The following SDK1 variants were observed in gnomAD, a reference collection of about 807,000 sequenced individuals.
SDK1 encodes the protein protein sidekick-1.
A neutral mutation model predicts 245.5 loss-of-function variants in SDK1; 157 were observed. The observed-to-expected ratio is 0.64, with a 90% CI of 0.56 to 0.73. SDK1 has a LOEUF of 0.73. Ranked by LOEUF, SDK1 falls within the 30% of genes least tolerant of loss-of-function variation. The probability of loss-of-function intolerance (pLI) is 0.00; values close to 1 mark genes in which losing one functional copy is unlikely to be tolerated. For missense variants in SDK1, 3,583 were observed against 3,002.3 expected, an observed-to-expected ratio of 1.19 and a Z score of -4.52; for synonymous variants, 1,647 against 1,278.5, an observed-to-expected ratio of 1.29 and a Z score of -6.15.
chr7:3,662,041 ATTTTTTTTT>A (rs572659449), intron 4 of SDK1, among the ~76,000 whole-genome samples: 9 of 125,736 alleles, frequency 7.2e-5, no homozygotes, highest in African/African-American at 9.5e-5. Context: ...CAACGGTTGT[ATTTTTTTTT>A]TTTTTTTTTT....
intron 8 of SDK1, 46 bp from the exon 9 acceptor site, chr7:3,962,611 G>C (rs141647689): frequency 6.8e-7 from 1 of 1,467,176 alleles, no homozygotes; most frequent in Admixed American, 2.0e-5. Flanking sequence ...CAGTTCTCAC[G>C]TCAGGAATTA....
intron 1 of SDK1, among the ~76,000 whole-genome samples, chr7:3,452,848 A>G (rs776261840): frequency 4.8e-4 from 73 of 151,826 alleles, no homozygotes; most frequent in Non-Finnish European, 3.4e-4. Flanking sequence ...TGCCTAGGTC[A>G]TCTCTTTCTT....
chr7:3,560,896 C>T (rs182934877), intron 1 of SDK1, among the ~76,000 whole-genome samples: 99 of 152,330 alleles, frequency 6.5e-4, no homozygotes, highest in Admixed American at 1.3e-3. Flanking sequence ...GTTTCCTACA[C>T]TTCCTTTGAG....
chr7:3,366,751 TA>T (rs1397495602), intron 1 of SDK1, among the ~76,000 whole-genome samples: 28 of 152,148 alleles, frequency 1.8e-4, no homozygotes, highest in African/African-American at 5.8e-4. Context: ...TTTATTTATT[TA>T]TTTATTTTGA....
chr7:3,687,255 A>G lies in SDK1; in HGVS notation c.713+45150A>G, dbSNP rs150576821. Among the ~76,000 whole-genome samples, 1,027 of 151,744 alleles carry G rather than the reference A, an allele frequency of 6.8e-3. 15 individuals are homozygous for G. The highest frequency in any genetic ancestry group is 0.024 in the African/African-American group (976 of 41,242). ...GGTGCGATCTCAGCTCAGCCTCCCA[A>G]GGAGCTGGGACTACAGGCACACGTC... On this transcript the variant is annotated intron_variant, in intron 4 of 44. Transcript: ENST00000404826.
At chr7:3,832,379 G>A (rs1045183349) in intron 5 of SDK1, among the ~76,000 whole-genome samples, 1 of 152,196 alleles carries the variant, frequency 6.6e-6, no homozygotes. Context: ...TTTGGTAGCA[G>A]TTCAACTCCA....
intron 1 of SDK1, among the ~76,000 whole-genome samples, chr7:3,542,144 G>A (rs1420392002): frequency 2.0e-5 from 3 of 152,136 alleles, no homozygotes; most frequent in Non-Finnish European, 2.9e-5. Flanking sequence ...AACCCAAACT[G>A]TAGAATTTTA....
chr7:3,435,705 C>A (rs1780002450), intron 1 of SDK1, among the ~76,000 whole-genome samples: 1 of 152,026 alleles, frequency 6.6e-6, no homozygotes, highest in South Asian at 2.1e-4. Flanking sequence ...TCATCTCTAT[C>A]CTACTTTACA....
At chr7:4,196,662 G>A (rs111883907) in intron 35 of SDK1, among the ~76,000 whole-genome samples, 2,209 of 152,242 alleles carry the variant, frequency 0.015, 51 homozygotes, top group African/African-American at 0.05. Flanking sequence ...CAGTGCTCTG[G>A]GCTCATTCCC....
At chr7:3,631,379 A>G (rs978619941) in intron 2 of SDK1, among the ~76,000 whole-genome samples, 4 of 152,140 alleles carry the variant, frequency 2.6e-5, no homozygotes, top group African/African-American at 9.7e-5. Flanking sequence ...TCCCATCTAC[A>G]TCTTCGTGAA....
chr7:3,770,339 C>A (rs1179711198), intron 4 of SDK1, among the ~76,000 whole-genome samples: 2 of 152,062 alleles, frequency 1.3e-5, no homozygotes, highest in East Asian at 3.9e-4. Flanking sequence ...TATGGATGTA[C>A]CACAGTTTGT....
At chr7:4,185,168 C>A (rs566356088) in intron 35 of SDK1, among the ~76,000 whole-genome samples, 8 of 152,208 alleles carry the variant, frequency 5.3e-5, no homozygotes, top group African/African-American at 9.6e-5. Flanking sequence ...GGGACTCGGG[C>A]ATTCACCACC....
At chr7:3,982,569 G>A (rs981334254) in intron 13 of SDK1, among the ~76,000 whole-genome samples, 3 of 152,092 alleles carry the variant, frequency 2.0e-5, no homozygotes, top group African/African-American at 7.2e-5. Flanking sequence ...GGCTGGGCGC[G>A]GTGGCTCACG....
chr7:4,032,288 A>T (rs10244597), intron 17 of SDK1, among the ~76,000 whole-genome samples: 1 of 152,040 alleles, frequency 6.6e-6, no homozygotes, highest in Non-Finnish European at 1.5e-5. Flanking sequence ...CCAATATTCA[A>T]TGCCCATCTG....
At chr7:3,552,790 C>T (rs1779458183) in intron 1 of SDK1, among the ~76,000 whole-genome samples, 1 of 152,174 alleles carries the variant, frequency 6.6e-6, no homozygotes, top group South Asian at 2.1e-4. Context: ...AACAAAGCAG[C>T]AGCAGTTAAA....
chr7:3,725,582 C>T (rs191483510), intron 4 of SDK1, among the ~76,000 whole-genome samples: 7 of 152,266 alleles, frequency 4.6e-5, no homozygotes, highest in South Asian at 2.1e-4. Flanking sequence ...CACTCTTTGG[C>T]GCTCTACTTT....
chr7:3,794,027 C>CTTAAAG (rs1477878364), intron 4 of SDK1, among the ~76,000 whole-genome samples: 1 of 152,194 alleles, frequency 6.6e-6, no homozygotes, highest in Non-Finnish European at 1.5e-5. Context: ...AGACTTACCA[C>CTTAAAG]ATGCCAAATA....
At chr7:4,249,080 C>CAGGGAGGGAGGTGAGTGTGGGG (rs1234469827) in intron 44 of SDK1, among the ~76,000 whole-genome samples, 2 of 151,576 alleles carry the variant, frequency 1.3e-5, no homozygotes, top group Non-Finnish European at 2.9e-5. Context: ...GAGGTGGCCT[C>CAGGGAGGGAGGTGAGTGTGGGG]AGGGAGGGAG....
At chr7:3,723,847 TAC>T in intron 4 of SDK1, among the ~76,000 whole-genome samples, 3 of 141,088 alleles carry the variant, frequency 2.1e-5, no homozygotes, top group African/African-American at 7.9e-5. Context: ...TATATACACG[TAC>T]ATATACATAT....
Sources: gnomAD v4.1 joint callset for allele counts (sites outside exome capture counted in the v4.1 genomes callset) on GRCh38, gnomAD v4.1.1 for gene constraint, MANE v1.5 for transcripts, NCBI Gene and HGNC (gene_info 2026-07-23, HGNC 2026-07-21) for gene names.